The following MTUS2 variants were observed in gnomAD, a reference collection of about 807,000 sequenced individuals.
MTUS2 encodes microtubule-associated tumor suppressor candidate 2.
A neutral mutation model predicts 114.1 loss-of-function variants in MTUS2; 40 were observed. That is an observed-to-expected ratio of 0.35 (90% CI 0.27 to 0.46). The LOEUF (loss-of-function observed/expected upper bound fraction) is 0.46, where lower values mean the gene tolerates loss of function less well. Ranked by LOEUF, MTUS2 falls within the 20% of genes least tolerant of loss-of-function variation. The pLI is 1.00. For missense variants in MTUS2, 1,679 were observed against 1,705.4 expected (o/e 0.98, Z 0.27); for synonymous variants, 688 against 672.0 (o/e 1.02, Z -0.37).
intron 9 of MTUS2, among the ~76,000 whole-genome samples, chr13:29,449,589 T>C (rs889050993): frequency 6.6e-6 from 1 of 152,066 alleles, no homozygotes; most frequent in Non-Finnish European, 1.5e-5. Flanking sequence ...ACAGCTGGTG[T>C]GGGACAAAAG....
At chr13:29,347,005 T>C (rs1432961340) in intron 7 of MTUS2, among the ~76,000 whole-genome samples, 2 of 151,520 alleles carry the variant, frequency 1.3e-5, no homozygotes, top group South Asian at 2.1e-4. Flanking sequence ...ACTCATAGTT[T>C]GTCAGTGTGT....
chr13:29,183,047 T>A (rs574435473), intron 5 of MTUS2, among the ~76,000 whole-genome samples: 1 of 152,314 alleles, frequency 6.6e-6, no homozygotes, highest in East Asian at 1.9e-4. Context: ...GTGGAAAGTT[T>A]TGAGCAGAGT....
chr13:28,983,506 G>T (rs1406841124), intron 2 of MTUS2, among the ~76,000 whole-genome samples: 1 of 152,160 alleles, frequency 6.6e-6, no homozygotes, highest in Non-Finnish European at 1.5e-5. Flanking sequence ...ATAGTATGTT[G>T]AAATAACATT....
At chr13:29,346,978 C>A (rs931092438) in intron 7 of MTUS2, among the ~76,000 whole-genome samples, 1 of 151,576 alleles carries the variant, frequency 6.6e-6, no homozygotes, top group Non-Finnish European at 1.5e-5. Context: ...CAGTCGTTCC[C>A]CTTTCACACT....
chr13:29,341,261 C>G (rs1161129970), intron 7 of MTUS2, among the ~76,000 whole-genome samples: 1 of 152,028 alleles, frequency 6.6e-6, no homozygotes. Flanking sequence ...AGTTTACATT[C>G]CCACCAGCAG....
chr13:29,258,372 G>A (rs1239313502), intron 5 of MTUS2, among the ~76,000 whole-genome samples: 1 of 152,044 alleles, frequency 6.6e-6, no homozygotes, highest in East Asian at 1.9e-4. Context: ...TTTCTCTTCT[G>A]CTTCCAGGAG....
intron 9 of MTUS2, among the ~76,000 whole-genome samples, chr13:29,443,431 T>C (rs1181827550): frequency 6.6e-6 from 1 of 152,224 alleles, no homozygotes; most frequent in East Asian, 1.9e-4. Flanking sequence ...ACACAAGGAT[T>C]ACATTGAGTT....
chr13:29,177,918 C>T lies in MTUS2; in HGVS notation c.2644+76948C>T, dbSNP rs76861973. 5.9e-3 allele frequency among the ~76,000 whole-genome samples: 893 copies of T among 152,280 alleles called. 6 individuals carry two copies. The highest frequency in any genetic ancestry group is 0.021 in the African/African-American group (852 of 41,550). ...AGGATCCCTCAGATTCCCTGGTGCA[C>T]TCTTGCTTGCTTTCTTTTCCAGGAA... On this transcript the variant is annotated intron_variant, in intron 5 of 15. Transcript: ENST00000612955.
chr13:28,967,172 T>C (rs1414886961), intron 2 of MTUS2, among the ~76,000 whole-genome samples: 1 of 152,172 alleles, frequency 6.6e-6, no homozygotes, highest in African/African-American at 2.4e-5. Context: ...TATGGAATGG[T>C]CAGTAGCATC....
At chr13:29,396,964 T>C (rs1456208071) in intron 8 of MTUS2, among the ~76,000 whole-genome samples, 1 of 152,196 alleles carries the variant, frequency 6.6e-6, no homozygotes, top group East Asian at 1.9e-4. Flanking sequence ...ATGAACTTCC[T>C]TAGAGGCAGA....
intron 8 of MTUS2, among the ~76,000 whole-genome samples, chr13:29,414,405 T>C (rs1875498222): frequency 8.4e-6 from 1 of 119,508 alleles, no homozygotes; most frequent in African/African-American, 3.3e-5. Context: ...TGTATACATA[T>C]GTAACTAACC....
intron 5 of MTUS2, among the ~76,000 whole-genome samples, chr13:29,157,678 G>A (rs1470616347): frequency 6.6e-6 from 1 of 152,170 alleles, no homozygotes; most frequent in Non-Finnish European, 1.5e-5. Context: ...AGGAATAAGT[G>A]AAATGCTGTA....
chr13:29,122,372 C>A (rs1316440302), intron 5 of MTUS2, among the ~76,000 whole-genome samples: 2 of 152,110 alleles, frequency 1.3e-5, no homozygotes, highest in Non-Finnish European at 2.9e-5. Context: ...CCTCAGGAAA[C>A]TTACAATTAT....
Position 29,025,567 on chromosome 13 carries a change from C to G in MTUS2, c.869C>G (p.Ser290Trp). 6.2e-7 allele frequency: 1 copy of G among 1,613,874 alleles called. No individual in the cohort carries two copies. Among genetic ancestry groups the G allele is most frequent in the Non-Finnish European group, 8.5e-7 (1 of 1,179,846 alleles). The change falls in exon 3 of 16, where the codon TCG (serine) becomes TGG (tryptophan). Residue 290 changes from serine to tryptophan, a missense_variant. Ser to Trp is a radical substitution (Grantham distance 177). This residue lies in a region of MTUS2 where 843 missense variants were observed against 770.8 expected (regional missense o/e 1.09). Transcript: ENST00000612955. ...CCTGCTCTGAATTTGACTTTGGCATCGAAGGAAATCCCAAGTAAACTGGAA... is the reference window on the plus strand; with the variant it reads ...CCTGCTCTGAATTTGACTTTGGCATGGAAGGAAATCCCAAGTAAACTGGAA... ...PEPALNLTLA[S>W]KEIPSKLEAQ...
At position 28,944,985 on chromosome 13, in the gene MTUS2, A is replaced by C. The variant is rs554436383; in HGVS notation, c.-242-79472A>C. Among the ~76,000 whole-genome samples the C allele has an allele frequency of 5.3e-5, 8 of 152,238 alleles. No homozygotes were observed. In the East Asian group the frequency reaches 1.5e-3, roughly 29 times the overall value. On this transcript the variant is annotated intron_variant, in intron 2 of 15. Transcript: ENST00000612955. ...ATTCCTCACCCCCTCCCACCCTTAA[A>C]ACCCTTCTGAGTCTCCAGTATCTAT...
At position 29,503,487 on chromosome 13, in the gene MTUS2, T is replaced by C. The variant is rs1471116162; in HGVS notation, c.*281T>C. On this transcript the variant is annotated 3_prime_UTR_variant, in exon 16 of 16. Coordinates refer to ENST00000612955, the MANE Select transcript of MTUS2 (RefSeq NM_001033602.4). ...TGAGCAATGAACTTTCACTGCAGAA[T>C]TTCAGGTTAGTTACAAAAAGCTCAG... is the stretch of plus-strand genomic sequence containing the variant. 2 of 552,710 alleles carry C rather than the reference T, an allele frequency of 3.6e-6. No individual in the cohort carries two copies. Among genetic ancestry groups the C allele is most frequent in the Non-Finnish European group, 6.5e-6 (2 of 308,042 alleles). 34.2% of individuals were successfully genotyped at this position (552,710 alleles called of 1,614,324 possible). A position where few individuals can be genotyped will look rare whatever the true frequency, so the allele number is the denominator to read the frequency against.
chr13:29,295,127 T>C (rs921226231), intron 6 of MTUS2, among the ~76,000 whole-genome samples: 5 of 152,186 alleles, frequency 3.3e-5, no homozygotes, highest in Non-Finnish European at 7.3e-5. Context: ...TTGCCTTTTT[T>C]TTTTTTACTT....
chr13:29,366,194 C>T (rs535055064), intron 8 of MTUS2, among the ~76,000 whole-genome samples: 1 of 152,168 alleles, frequency 6.6e-6, no homozygotes, highest in South Asian at 2.1e-4. Context: ...GTTTAATGAA[C>T]TCACAGTTCC....
chr13:29,308,004 C>T (rs1899559160), intron 6 of MTUS2, among the ~76,000 whole-genome samples: 1 of 152,206 alleles, frequency 6.6e-6, no homozygotes, highest in Admixed American at 6.5e-5. Flanking sequence ...AATGGTCATA[C>T]TGCCCACAGT....
Sources: allele counts gnomAD v4.1 joint callset (sites outside exome capture counted in the v4.1 genomes callset), GRCh38; gene constraint gnomAD v4.1.1; regional missense constraint gnomAD v4.1.1; transcripts MANE v1.5; gene names NCBI Gene and HGNC (gene_info 2026-07-23, HGNC 2026-07-21).